Variants in KSR2 observed in about 807,000 individuals in gnomAD.
KSR2 encodes kinase suppressor of ras 2.
A neutral mutation model predicts 107.8 loss-of-function variants in KSR2; 25 were observed. That is an observed-to-expected ratio of 0.23 (90% confidence interval 0.17 to 0.32). The LOEUF (loss-of-function observed/expected upper bound fraction) is 0.32, where lower values mean the gene tolerates loss of function less well. KSR2 is among the 10% of genes least tolerant of loss of function. KSR2 has a pLI of 1.00. For synonymous variants in KSR2, 480 were observed against 507.0 expected (o/e 0.95, Z 0.71); for missense variants, 887 against 1,268.9 (o/e 0.70, Z 4.57).
At chr12:117,912,816 G>A (rs1895058399) in intron 1 of KSR2, among the ~76,000 whole-genome samples, 1 of 152,146 alleles carries the variant, frequency 6.6e-6, no homozygotes, top group Non-Finnish European at 1.5e-5. Context: ...AGTGTTCTCT[G>A]ATCGCAGCTC....
At chr12:117,613,838 T>C (rs1382343626) in intron 5 of KSR2, among the ~76,000 whole-genome samples, 1 of 152,188 alleles carries the variant, frequency 6.6e-6, no homozygotes, top group East Asian at 1.9e-4. Context: ...TAATGCATCA[T>C]CTTGCACGGT....
intron 4 of KSR2, among the ~76,000 whole-genome samples, chr12:117,670,534 C>G (rs4767597): frequency 6.6e-6 from 1 of 152,194 alleles, no homozygotes; most frequent in African/African-American, 2.4e-5. Flanking sequence ...TCACCCACCC[C>G]GAGGCCACTA....
At chr12:117,916,057 GA>G (rs1895160846) in intron 1 of KSR2, among the ~76,000 whole-genome samples, 1 of 151,420 alleles carries the variant, frequency 6.6e-6, no homozygotes, top group South Asian at 2.1e-4. Context: ...GTGAAATTTT[GA>G]GGGGCTGAAG....
chr12:117,708,939 A>G (rs1593154690), intron 4 of KSR2, among the ~76,000 whole-genome samples: 1 of 152,182 alleles, frequency 6.6e-6, no homozygotes, highest in Non-Finnish European at 1.5e-5. Context: ...GGCCGCTCGC[A>G]TTCCCTGAAT....
chr12:117,814,509 C>T (rs1678889218), intron 3 of KSR2, among the ~76,000 whole-genome samples: 1 of 152,114 alleles, frequency 6.6e-6, no homozygotes, highest in Non-Finnish European at 1.5e-5. Context: ...GACAACCCCT[C>T]CCAAACACCA....
intron 1 of KSR2, among the ~76,000 whole-genome samples, chr12:117,886,171 T>C (rs1316237678): frequency 6.6e-6 from 1 of 150,608 alleles, no homozygotes; most frequent in African/African-American, 2.4e-5. Context: ...CATATGTGTA[T>C]ATATAATATT....
chr12:117,722,371 G>A (rs1242161449), intron 4 of KSR2, among the ~76,000 whole-genome samples: 1 of 152,104 alleles, frequency 6.6e-6, no homozygotes, highest in Non-Finnish European at 1.5e-5. Context: ...AAACCTACTG[G>A]GCGGCATTCC....
At chr12:117,727,870 A>G (rs1887499312) in intron 4 of KSR2, among the ~76,000 whole-genome samples, 1 of 152,274 alleles carries the variant, frequency 6.6e-6, no homozygotes, top group African/African-American at 2.4e-5. Context: ...TATTAGTAAT[A>G]TGTAGCTATA....
chr12:117,961,719 C>T (rs928992724), intron 1 of KSR2, among the ~76,000 whole-genome samples: 1 of 152,194 alleles, frequency 6.6e-6, no homozygotes, highest in African/African-American at 2.4e-5. Context: ...AACCCTCCAA[C>T]CAAGCCCAAC....
In KSR2 at chr12:117,826,503, C is replaced by T. The variant is rs7299791; in HGVS notation, c.472+28925G>A. Reference sequence around the variant, plus strand: ...TTGAAGACTAAGGGGAAAAAACACACTAATAGGAGAACAAACAAAAAAAAA... The same window carrying T: ...TTGAAGACTAAGGGGAAAAAACACATTAATAGGAGAACAAACAAAAAAAAA... On this transcript the variant is annotated intron_variant, in intron 3 of 19. Coordinates refer to ENST00000339824, the MANE Select transcript of KSR2 (RefSeq NM_173598.6). 8.3e-3 allele frequency among the ~76,000 whole-genome samples: 1,259 copies of T among 151,682 alleles called. 21 individuals carry two copies. Among genetic ancestry groups the T allele is most frequent in the African/African-American group, 0.029 (1,178 of 41,288 alleles).
At chr12:117,749,071 C>T (rs1888517692) in intron 4 of KSR2, among the ~76,000 whole-genome samples, 1 of 147,604 alleles carries the variant, frequency 6.8e-6, no homozygotes, top group Non-Finnish European at 1.5e-5. Flanking sequence ...ACACCAAGCC[C>T]CTGACATTTC....
intron 5 of KSR2, among the ~76,000 whole-genome samples, chr12:117,654,173 C>G (rs1884023918): frequency 6.6e-6 from 1 of 152,220 alleles, no homozygotes; most frequent in Admixed American, 6.5e-5. Flanking sequence ...AACTGCCTAT[C>G]ATGAACTGGG....
At chr12:117,953,526 A>G (rs1896425550) in intron 1 of KSR2, among the ~76,000 whole-genome samples, 1 of 152,232 alleles carries the variant, frequency 6.6e-6, no homozygotes, top group Non-Finnish European at 1.5e-5. Flanking sequence ...ATACATCATG[A>G]ACCTTGAAAT....
At chr12:117,886,095 C>CAA (rs556674870) in intron 1 of KSR2, among the ~76,000 whole-genome samples, 3 of 105,326 alleles carry the variant, frequency 2.8e-5, no homozygotes, top group Non-Finnish European at 4.2e-5. Flanking sequence ...GACTCCGTCT[C>CAA]AAAAAAAAAA....
chr12:117,877,547 T>G lies in KSR2; in HGVS notation c.181-17116A>C, dbSNP rs1289925866. Among the ~76,000 whole-genome samples the G allele has an allele frequency of 2.0e-5, 3 of 152,200 alleles. No homozygotes were observed. The East Asian group carries it at 5.8e-4, about 29-fold the overall frequency. ...AATCACAATCATAGCTAAGTCTTAT[T>G]GAGCACTTACTATGTGCTAAGTGCT... is the stretch of plus-strand genomic sequence containing the variant. On this transcript the variant is annotated intron_variant, in intron 1 of 19. Coordinates refer to ENST00000339824, the MANE Select transcript of KSR2 (RefSeq NM_173598.6).
chr12:117,781,294 T>G (rs910170264), intron 3 of KSR2, among the ~76,000 whole-genome samples: 12 of 152,294 alleles, frequency 7.9e-5, no homozygotes, highest in East Asian at 1.9e-4. Context: ...TATGTCTTTA[T>G]TAGCAGCGTG....
intron 14 of KSR2, among the ~76,000 whole-genome samples, chr12:117,486,403 C>A (rs1160504906): frequency 2.6e-5 from 4 of 152,190 alleles, no homozygotes; most frequent in African/African-American, 9.7e-5. Context: ...CAATTCCCAG[C>A]ACGCACAGAG....
intron 4 of KSR2, among the ~76,000 whole-genome samples, chr12:117,683,491 A>C (rs1004286043): frequency 6.6e-6 from 1 of 152,212 alleles, no homozygotes; most frequent in African/African-American, 2.4e-5. Context: ...AAATTCCTAG[A>C]AATTAAACAC....
At chr12:117,577,985 C>T (rs1245292924) in intron 7 of KSR2, among the ~76,000 whole-genome samples, 2 of 152,200 alleles carry the variant, frequency 1.3e-5, no homozygotes, top group Non-Finnish European at 2.9e-5. Flanking sequence ...AGTCTGACTC[C>T]GGAGCCCACA....
Sources: gnomAD v4.1 joint callset for allele counts (sites outside exome capture counted in the v4.1 genomes callset) on GRCh38, gnomAD v4.1.1 for gene constraint, MANE v1.5 for transcripts, NCBI Gene and HGNC (gene_info 2026-07-23, HGNC 2026-07-21) for gene names.